The following TTF2 variants were observed in gnomAD, a reference collection of about 807,000 sequenced individuals.
The protein encoded by TTF2 is transcription termination factor 2.
TTF2 carries 108 observed loss-of-function variants against 142.4 expected under a neutral mutation model. The observed-to-expected ratio is 0.76, with a 90% CI of 0.65 to 0.89. The LOEUF (loss-of-function observed/expected upper bound fraction) is 0.89. Ranked by LOEUF, TTF2 falls within the 40% of genes least tolerant of loss-of-function variation. The probability of loss-of-function intolerance (pLI) is 0.00; values close to 1 mark genes in which losing one functional copy is unlikely to be tolerated. For synonymous variants in TTF2, 483 were observed against 506.2 expected (o/e 0.95, Z 0.61); for missense variants, 1,327 against 1,379.8 (o/e 0.96, Z 0.61).
At chr1:117,072,317 A>G (rs1473246204) in intron 3 of TTF2, among the ~76,000 whole-genome samples, 4 of 151,882 alleles carry the variant, frequency 2.6e-5, no homozygotes, top group African/African-American at 9.7e-5. Flanking sequence ...TTCTATATGT[A>G]TCCTATCCAC....
chr1:117,062,591 T>C (rs774412845), intron 3 of TTF2, 118 bp downstream of exon 3: 3 of 864,974 alleles, frequency 3.5e-6, no homozygotes, highest in Non-Finnish European at 5.2e-6. Flanking sequence ...AAAAACAAAA[T>C]TTGTATATGT....
chr1:117,086,566 A>G lies in TTF2; in HGVS notation c.2160+44A>G. The G allele has an allele frequency of 7.1e-7, 1 of 1,413,088 alleles. No individual in the cohort carries two copies. The highest frequency in any genetic ancestry group is 1.0e-6 in the Non-Finnish European group (1 of 1,002,952). The allele number at this position is 1,413,088 out of a possible 1,614,324, so 87.5% of individuals were successfully genotyped here. A position where few individuals can be genotyped will look rare whatever the true frequency, so the allele number is the denominator to read the frequency against. ...CAGGGAAGTGGAGTTGGAGCCACAG[A>G]TGGTTTAATGGGAGTCTTTCTCAGC... is the stretch of plus-strand genomic sequence containing the variant. On this transcript the variant is annotated intron_variant, in intron 12 of 22. Coordinates refer to ENST00000369466, the MANE Select transcript of TTF2 (RefSeq NM_003594.4). The surrounding 1 kb of genome is among the most constrained non-coding windows in gnomAD (Gnocchi z 4.2).
In TTF2 at chr1:117,079,433, G is replaced by A. The variant is rs1399998568; in HGVS notation, c.1702-135G>A. 2 of 791,070 alleles carry A rather than the reference G, an allele frequency of 2.5e-6. No individual in the cohort carries two copies. Among genetic ancestry groups the A allele is most frequent in the East Asian group, 2.6e-5 (1 of 37,752 alleles). 49.0% of individuals were successfully genotyped at this position (791,070 alleles called of 1,614,324 possible). ...GAGAGGGTGCTGTTAAGGACTTCAAGGTGAAATGAACTGTCTACAGAATAC... is the reference window on the plus strand; with the variant it reads ...GAGAGGGTGCTGTTAAGGACTTCAAAGTGAAATGAACTGTCTACAGAATAC... On this transcript the variant is annotated intron_variant, in intron 8 of 22. Transcript: ENST00000369466. This position sits in a 1 kb window ranked among gnomAD's most constrained non-coding sequence, Gnocchi z 4.2.
intron 7 of TTF2, among the ~76,000 whole-genome samples, chr1:117,077,111 G>GA (rs369500157): frequency 1.1e-4 from 17 of 147,870 alleles, no homozygotes; most frequent in African/African-American, 9.9e-5. Context: ...TACGTATGGG[G>GA]AAAAAAAAAA....
rs1649555883 is a variant in TTF2 at position 117,101,207 on chromosome 1, A to C, written c.3345-173A>C. On this transcript the variant is annotated intron_variant, in intron 22 of 22. Coordinates refer to ENST00000369466, the MANE Select transcript of TTF2 (RefSeq NM_003594.4). This position sits in a 1 kb window ranked among gnomAD's most constrained non-coding sequence, Gnocchi z 5.9. ...GGGTCACATCCTTTTAAAGGGATAT[A>C]TATCTAGTCAAGGTTGTTTGGATTC... Among the ~76,000 whole-genome samples, 1 of 152,228 alleles carries C rather than the reference A, an allele frequency of 6.6e-6. No homozygotes were observed. Among genetic ancestry groups the C allele is most frequent in the Non-Finnish European group, 1.5e-5 (1 of 68,048 alleles).
rs907651930 is a variant in TTF2, at chr1:117,090,391, TG to T, written c.2497-139del. The stretch of plus-strand genomic sequence containing the variant: ...ATAGCAATCCAGTTGTACTGTATGT[TG>T]GAGCAGTCCTGTGTCTAAGAAAGGG... On this transcript the variant is annotated intron_variant, in intron 14 of 22. Transcript: ENST00000369466. This position sits in a 1 kb window ranked among gnomAD's most constrained non-coding sequence, Gnocchi z 4.8. 1.3e-5 allele frequency: 14 copies of T among 1,112,366 alleles called. No individual in the cohort carries two copies. The highest frequency in any genetic ancestry group is 1.1e-4 in the African/African-American group (7 of 63,324). The allele number at this position is 1,112,366 out of a possible 1,614,324, so 68.9% of individuals were successfully genotyped here.
At position 117,079,559 on chromosome 1, in the gene TTF2, CT is replaced by C. The variant is rs748707699; in HGVS notation, c.1702-6del. On this transcript the variant is annotated splice_polypyrimidine_tract_variant and splice_region_variant and intron_variant, in intron 8 of 22. Coordinates refer to ENST00000369466, the MANE Select transcript of TTF2 (RefSeq NM_003594.4). The surrounding 1 kb of genome is among the most constrained non-coding windows in gnomAD (Gnocchi z 4.2). ...TTTATGCTTAGCATTTGGTTATTAC[CT>C]TTGTCAGGTCCCTTTGCTACTACAC... is the stretch of plus-strand genomic sequence containing the variant. 3 of 1,614,112 alleles carry C rather than the reference CT, an allele frequency of 1.9e-6. No homozygotes were observed. The South Asian group carries it at 3.3e-5, about 18-fold the overall frequency.
Position 117,101,647 on chromosome 1 carries a change from C to A in TTF2, c.*123C>A. ...ATTTCAATTTCACCGTCAAGCCTTT[C>A]ACCTTCCTCAAAATGAGGCATAATC... On this transcript the variant is annotated 3_prime_UTR_variant, in exon 23 of 23. Transcript: ENST00000369466. The surrounding 1 kb of genome is among the most constrained non-coding windows in gnomAD (Gnocchi z 5.9). 1.8e-6 allele frequency: 2 copies of A among 1,123,246 alleles called. No individual in the cohort carries two copies. Among genetic ancestry groups the A allele is most frequent in the Non-Finnish European group, 2.4e-6 (2 of 844,080 alleles). The allele number at this position is 1,123,246 out of a possible 1,614,324, so 69.6% of individuals were successfully genotyped here.
rs55757120 is a variant in TTF2 at position 117,079,325 on chromosome 1, G to C, written c.1702-243G>C. On this transcript the variant is annotated intron_variant, in intron 8 of 22. Transcript: ENST00000369466. The surrounding 1 kb of genome is among the most constrained non-coding windows in gnomAD (Gnocchi z 4.2). Reference sequence around the variant, plus strand: ...ATCAGGACTCTCACTTGGGGTGTAGGGGGGACTCTTAATAGAAATGCTGAA... The same window carrying C: ...ATCAGGACTCTCACTTGGGGTGTAGCGGGGACTCTTAATAGAAATGCTGAA... Among the ~76,000 whole-genome samples the C allele has an allele frequency of 0.2, 29,966 of 152,182 alleles. 3,413 individuals are homozygous for C. The highest frequency in any genetic ancestry group is 0.26 in the Non-Finnish European group (17,433 of 68,002).
At chr1:117,089,260 C>CTATCTATATATATATATATA (rs1648343599) in intron 13 of TTF2, among the ~76,000 whole-genome samples, 3 of 137,468 alleles carry the variant, frequency 2.2e-5, no homozygotes, top group Non-Finnish European at 4.8e-5. Flanking sequence ...CAAATATATG[C>CTATCTATATATATATATATA]TATATATATA....
chr1:117,098,627 TGAGGC>T, intron 21 of TTF2: 1 of 479,626 alleles, frequency 2.1e-6, no homozygotes, highest in African/African-American at 2.0e-5. Context: ...TTTTTTTCTT[TGAGGC>T]TTTTCAGGCC....
rs992091477 is a variant in TTF2 at position 117,093,529 on chromosome 1, C to T, written c.2976+628C>T. On this transcript the variant is annotated intron_variant, in intron 18 of 22. Coordinates refer to ENST00000369466, the MANE Select transcript of TTF2 (RefSeq NM_003594.4). This position sits in a 1 kb window ranked among gnomAD's most constrained non-coding sequence, Gnocchi z 4.5. ...TTTCTCTCTTAGCATCTCAAGCTGCCGTTCTTGGGCTCAACCTCTCTTCAA... is the reference window on the plus strand; with the variant it reads ...TTTCTCTCTTAGCATCTCAAGCTGCTGTTCTTGGGCTCAACCTCTCTTCAA... Among the ~76,000 whole-genome samples the T allele has an allele frequency of 6.6e-6, 1 of 152,140 alleles. No individual in the cohort carries two copies. The highest frequency in any genetic ancestry group is 6.5e-5 in the Admixed American group (1 of 15,274).
At position 117,106,484 on chromosome 1, in the gene TTF2, A is replaced by T. The variant is rs922451285; in HGVS notation, c.*4960A>T. On this transcript the variant is annotated 3_prime_UTR_variant, in exon 23 of 23. Coordinates refer to ENST00000369466, the MANE Select transcript of TTF2 (RefSeq NM_003594.4). ...ACAGTAATTCAGAAATGTATATTGA[A>T]CACTTTTTATATGCCAGGCACTGCT... is the stretch of plus-strand genomic sequence containing the variant. 6.6e-6 allele frequency: 1 copy of T among 152,236 alleles called. No individual in the cohort carries two copies. The highest frequency in any genetic ancestry group is 6.5e-5 in the Admixed American group (1 of 15,280). The allele number at this position is 152,236 out of a possible 1,614,324, so 9.4% of individuals were successfully genotyped here.
Position 117,092,680 on chromosome 1 carries a change from AG to A in TTF2, c.2806-49del. 1 of 1,566,402 alleles carries A rather than the reference AG, an allele frequency of 6.4e-7. No homozygotes were observed. The highest frequency in any genetic ancestry group is 8.6e-7 in the Non-Finnish European group (1 of 1,156,396). On this transcript the variant is annotated intron_variant, in intron 17 of 22. Transcript: ENST00000369466. The surrounding 1 kb of genome is among the most constrained non-coding windows in gnomAD (Gnocchi z 4.4). ...ATCAAAACATCATCAACAAGTAACA[AG>A]GTTTGCTCCCTTGACTCCCAGCTGC... is the stretch of plus-strand genomic sequence containing the variant.
intron 3 of TTF2, among the ~76,000 whole-genome samples, chr1:117,064,465 C>T (rs1309636859): frequency 1.3e-5 from 2 of 152,110 alleles, no homozygotes; most frequent in Non-Finnish European, 2.9e-5. Context: ...ACCCCAATAT[C>T]ACAAATATTT....
rs993809689 is a variant in TTF2 at position 117,105,104 on chromosome 1, T to C, written c.*3580T>C. 8.5e-5 allele frequency: 13 copies of C among 152,172 alleles called. No individual in the cohort carries two copies. Among genetic ancestry groups the C allele is most frequent in the African/African-American group, 3.1e-4 (13 of 41,420 alleles). 9.4% of individuals were successfully genotyped at this position (152,172 alleles called of 1,614,324 possible). On this transcript the variant is annotated 3_prime_UTR_variant, in exon 23 of 23. Coordinates refer to ENST00000369466, the MANE Select transcript of TTF2 (RefSeq NM_003594.4). The surrounding 1 kb of genome is among the most constrained non-coding windows in gnomAD (Gnocchi z 4.7). ...TTACATCTGCCTATTGCACCTGACT[T>C]GGGCATGGATGATATGAGGTAATAA... is the stretch of plus-strand genomic sequence containing the variant.
intron 3 of TTF2, among the ~76,000 whole-genome samples, chr1:117,069,099 C>A (rs1211890647): frequency 6.6e-6 from 1 of 152,092 alleles, no homozygotes; most frequent in Non-Finnish European, 1.5e-5. Context: ...AGAACATTTA[C>A]AATTTTGTTT....
Position 117,090,557 on chromosome 1 carries a change from A to G in TTF2, c.2522A>G (p.Gln841Arg). Residue 841 changes from glutamine (Q) to arginine (R), a missense_variant, in exon 15 of 23, where the codon CAG becomes CGG. By Grantham distance (43) the Gln-to-Arg change is conservative. Transcript: ENST00000369466. The surrounding 1 kb of genome is among the most constrained non-coding windows in gnomAD (Gnocchi z 4.8). ...GTGATACTGCCCCAGCGTAAATTTC[A>G]GTTGCACCATTTAAAGCTTTCTGAA... is the stretch of plus-strand genomic sequence containing the variant. ...PLVILPQRKFQLHHLKLSEDE... is the reference protein window; with the variant it reads ...PLVILPQRKFRLHHLKLSEDE... 1.2e-6 allele frequency: 2 copies of G among 1,613,926 alleles called. No homozygotes were observed. Among genetic ancestry groups the G allele is most frequent in the Non-Finnish European group, 8.5e-7 (1 of 1,179,976 alleles).
chr1:117,077,485 C>A (rs1390256844), intron 7 of TTF2, among the ~76,000 whole-genome samples: 1 of 152,118 alleles, frequency 6.6e-6, no homozygotes, highest in African/African-American at 2.4e-5. Flanking sequence ...TGCTCTTATT[C>A]TTTCGTGTGT....
Sources: allele counts gnomAD v4.1 joint callset (sites outside exome capture counted in the v4.1 genomes callset), GRCh38; gene constraint gnomAD v4.1.1; non-coding constraint Gnocchi (gnomAD v3.1); transcripts MANE v1.5; gene names NCBI Gene and HGNC (gene_info 2026-07-23, HGNC 2026-07-21).